Variants in AEBP2 observed in about 807,000 individuals in gnomAD.
The protein encoded by AEBP2 is zinc finger protein AEBP2.
A neutral mutation model predicts 50.8 loss-of-function variants in AEBP2; 10 were observed. That is an observed-to-expected ratio of 0.20 (90% CI 0.12 to 0.33). AEBP2 has a LOEUF of 0.33. Ranked by LOEUF, AEBP2 falls within the 10% of genes least tolerant of loss-of-function variation. AEBP2 has a pLI of 1.00. For synonymous variants in AEBP2, 296 were observed against 261.3 expected, an observed-to-expected ratio of 1.13 and a Z score of -1.28; for missense variants, 570 against 688.0, an observed-to-expected ratio of 0.83 and a Z score of 1.92.
intron 3 of AEBP2, among the ~76,000 whole-genome samples, chr12:19,485,543 C>CA (rs1257993543): frequency 3.3e-5 from 5 of 150,806 alleles, no homozygotes; most frequent in African/African-American, 4.9e-5. Flanking sequence ...CCTGTCTGTA[C>CA]AAAAAAAATA....
chr12:19,434,126 T>A (rs2095753008), intron 1 of AEBP2, among the ~76,000 whole-genome samples: 1 of 151,862 alleles, frequency 6.6e-6, no homozygotes, highest in African/African-American at 2.4e-5. Context: ...ATTATAGGCA[T>A]GAGCCACTGC....
At chr12:19,481,476 CT>C (rs777141370) in intron 3 of AEBP2, among the ~76,000 whole-genome samples, 93 of 137,838 alleles carry the variant, frequency 6.7e-4, no homozygotes, top group Non-Finnish European at 5.4e-4. Context: ...CTTTTCTTTT[CT>C]TTTTTTTTTT....
chr12:19,496,286 A>G (rs1948979950), intron 4 of AEBP2, among the ~76,000 whole-genome samples: 1 of 152,172 alleles, frequency 6.6e-6, no homozygotes, highest in South Asian at 2.1e-4. Flanking sequence ...TAACTTAGCT[A>G]GTAAGGCAGG....
intron 7 of AEBP2, among the ~76,000 whole-genome samples, chr12:19,516,036 G>T (rs763234581): frequency 3.9e-5 from 6 of 152,168 alleles, no homozygotes; most frequent in Non-Finnish European, 8.8e-5. Flanking sequence ...AGTGAGCCAG[G>T]ATTACACCAC....
At chr12:19,439,331 C>A (rs1392352750), upstream of AEBP2, among the ~76,000 whole-genome samples, 1 of 145,832 alleles carries the variant, frequency 6.9e-6, no homozygotes, top group African/African-American at 2.6e-5. Context: ...CGAAGCCCGG[C>A]AGGGCGTGGG....
rs1949358289 is a variant in AEBP2 at position 19,518,845 on chromosome 12, T to C, written c.*728T>C. On this transcript the variant is annotated 3_prime_UTR_variant, in exon 8 of 8. Coordinates refer to ENST00000266508, the MANE Select transcript of AEBP2 (RefSeq NM_153207.5). ...TAGGGCTTTCTCATGGAGTACAGTA[T>C]GTTAATATTTACCTATATAACTAAT... 1 of 633,482 alleles carries C rather than the reference T, an allele frequency of 1.6e-6. No individual in the cohort carries two copies. The highest frequency in any genetic ancestry group is 1.9e-5 in the African/African-American group (1 of 53,350). The allele number at this position is 633,482 out of a possible 1,614,324, so 39.2% of individuals were successfully genotyped here.
chr12:19,485,241 C>T (rs80269977), intron 3 of AEBP2, among the ~76,000 whole-genome samples: 3 of 151,796 alleles, frequency 2.0e-5, no homozygotes, highest in East Asian at 3.9e-4. Context: ...AAACTGTAGA[C>T]GTTTCCTATT....
At chr12:19,491,716 AT>A (rs542605910) in intron 3 of AEBP2, among the ~76,000 whole-genome samples, 2,777 of 148,834 alleles carry the variant, frequency 0.019, 30 homozygotes, top group African/African-American at 0.024. Context: ...AGAATGTGTG[AT>A]TTTTTTTTTT....
chr12:19,515,236 T>G (rs149842493), intron 7 of AEBP2, among the ~76,000 whole-genome samples: 33 of 152,332 alleles, frequency 2.2e-4, no homozygotes, highest in African/African-American at 7.7e-4. Context: ...CTTAGAGTGT[T>G]CACATTTCTA....
At chr12:19,435,329 G>A (rs1416272373), upstream of AEBP2, among the ~76,000 whole-genome samples, 1 of 150,182 alleles carries the variant, frequency 6.7e-6, no homozygotes, top group African/African-American at 2.5e-5. Flanking sequence ...CACCCAGGCT[G>A]GAGTGCAGTG....
chr12:19,509,352 TA>T (rs1230333548), intron 5 of AEBP2: 9 of 182,308 alleles, frequency 4.9e-5, no homozygotes, highest in Middle Eastern at 2.3e-3. Context: ...ACATACTTAG[TA>T]AAACAAATGG....
At chr12:19,512,598 T>A in intron 6 of AEBP2, 133 bp downstream of exon 6, 1 of 632,004 alleles carries the variant, frequency 1.6e-6, no homozygotes. Flanking sequence ...GTTGTCAGGA[T>A]TAAAGAGATA....
intron 3 of AEBP2, among the ~76,000 whole-genome samples, chr12:19,479,716 G>GTTTTTTTT (rs1565723172): frequency 3.3e-5 from 1 of 29,894 alleles, no homozygotes; most frequent in African/African-American, 1.1e-4. Flanking sequence ...CCTCTTTGTG[G>GTTTTTTTT]GTTTTTTTTT....
Position 19,439,876 on chromosome 12 carries a change from G to A in AEBP2, c.177G>A (p.Leu59=), listed in dbSNP as rs1316031240. 1 of 1,485,250 alleles carries A rather than the reference G, an allele frequency of 6.7e-7. No homozygotes were observed. The highest frequency in any genetic ancestry group is 8.9e-7 in the Non-Finnish European group (1 of 1,126,888). The allele number at this position is 1,485,250 out of a possible 1,614,324, so 92.0% of individuals were successfully genotyped here. ...CCGAGGCGGTGGCGGCGCTGCTGCT[G>A]AACGGCGGCAGCGGTGGGGGCGGCG... The part of the protein sequence containing the change: ...AEAEAVAALL[L]NGGSGGGGGG... Residue 59 remains leucine (L), a synonymous_variant, in exon 1 of 8, where the codon CTG becomes CTA. Coordinates refer to ENST00000266508, the MANE Select transcript of AEBP2 (RefSeq NM_153207.5).
chr12:19,462,832 A>G, intron 2 of AEBP2, 115 bp downstream of exon 2: 1 of 892,010 alleles, frequency 1.1e-6, no homozygotes, highest in South Asian at 2.0e-5. Flanking sequence ...ACACAGGCTT[A>G]GTTTTTTCAA....
In AEBP2 at chr12:19,516,846, A is replaced by G. The variant is rs556563092; in HGVS notation, c.1482-1241A>G. ...GTTTGAGACCAGCCTGGCCAACATGATGAAACCCTGTTTCAACTAAAAATG... is the reference window on the plus strand; with the variant it reads ...GTTTGAGACCAGCCTGGCCAACATGGTGAAACCCTGTTTCAACTAAAAATG... On this transcript the variant is annotated intron_variant, in intron 7 of 7. Transcript: ENST00000266508. Among the ~76,000 whole-genome samples the G allele has an allele frequency of 3.3e-5, 5 of 152,158 alleles. No individual in the cohort carries two copies. In the East Asian group the frequency reaches 7.7e-4, roughly 24 times the overall value.
intron 5 of AEBP2, among the ~76,000 whole-genome samples, chr12:19,510,630 CAA>C (rs1277546558): frequency 6.6e-6 from 1 of 152,024 alleles, no homozygotes; most frequent in African/African-American, 2.4e-5. Context: ...TATATAGAGC[CAA>C]AGTCATACTT....
At chr12:19,415,330 AAAAAAAAAAAAAAAAAAAAAAT>A (rs2095741692) in intron 1 of AEBP2, among the ~76,000 whole-genome samples, 1 of 29,264 alleles carries the variant, frequency 3.4e-5, no homozygotes, top group Non-Finnish European at 7.1e-5. Context: ...AAAAAAAAAA[AAAAAAAAAAAAAAAAAAAAAAT>A]ATATATATAT....
At chr12:19,517,353 G>A (rs1257552039) in intron 7 of AEBP2, among the ~76,000 whole-genome samples, 1 of 152,126 alleles carries the variant, frequency 6.6e-6, no homozygotes, top group Non-Finnish European at 1.5e-5. Context: ...TATACAGTTG[G>A]TCCTGTGTAT....
Sources: allele counts gnomAD v4.1 joint callset (sites outside exome capture counted in the v4.1 genomes callset), GRCh38; gene constraint gnomAD v4.1.1; transcripts MANE v1.5; gene names NCBI Gene and HGNC (gene_info 2026-07-23, HGNC 2026-07-21).